The following CSMD1 variants were observed in gnomAD, a reference collection of about 807,000 sequenced individuals.
The protein encoded by CSMD1 is CUB and Sushi multiple domains 1.
CSMD1 carries 213 observed loss-of-function variants against 417.5 expected under a neutral mutation model. That is an observed-to-expected ratio of 0.51 (90% confidence interval 0.46 to 0.57). CSMD1 has a LOEUF of 0.57. Ranked by LOEUF, CSMD1 falls within the 20% of genes least tolerant of loss-of-function variation. CSMD1 has a pLI of 0.00. For missense variants in CSMD1, 6,923 were observed against 4,529.7 expected (o/e 1.53, Z -15.17); for synonymous variants, 2,862 against 1,736.8 (o/e 1.65, Z -16.11).
At chr8:3,891,666 A>C (rs1540818) in intron 5 of CSMD1, among the ~76,000 whole-genome samples, 1 of 151,694 alleles carries the variant, frequency 6.6e-6, no homozygotes, top group Admixed American at 6.6e-5. Flanking sequence ...CTAGGTGACA[A>C]AGCAAGACCT....
At chr8:4,026,846 T>C (rs1585158436) in intron 4 of CSMD1, among the ~76,000 whole-genome samples, 2 of 152,308 alleles carry the variant, frequency 1.3e-5, no homozygotes, top group South Asian at 4.1e-4. Flanking sequence ...TCTGTGGCAG[T>C]GTAAAAACCT....
At chr8:4,655,848 C>T (rs539894223) in intron 1 of CSMD1, among the ~76,000 whole-genome samples, 2 of 152,172 alleles carry the variant, frequency 1.3e-5, no homozygotes, top group East Asian at 1.9e-4. Context: ...AATTCACTTA[C>T]TGAGAAAGAA....
chr8:3,755,888 C>T (rs1797628625), intron 5 of CSMD1, among the ~76,000 whole-genome samples: 1 of 152,086 alleles, frequency 6.6e-6, no homozygotes, highest in Admixed American at 6.6e-5. Context: ...CAGCTGGACA[C>T]AGCTGACTCC....
At chr8:4,474,615 C>A (rs537405236) in intron 2 of CSMD1, among the ~76,000 whole-genome samples, 1 of 152,122 alleles carries the variant, frequency 6.6e-6, no homozygotes, top group African/African-American at 2.4e-5. Context: ...ACTACGTAAC[C>A]CATTCCTGGG....
At chr8:3,108,567 T>G in intron 44 of CSMD1, 36 bp downstream of exon 44, 1 of 1,607,714 alleles carries the variant, frequency 6.2e-7, no homozygotes. Flanking sequence ...CACATGGAAT[T>G]CTCAGTCTTA....
At chr8:3,362,687 T>C (rs1013168794) in intron 20 of CSMD1, among the ~76,000 whole-genome samples, 3 of 152,214 alleles carry the variant, frequency 2.0e-5, no homozygotes, top group African/African-American at 7.2e-5. Context: ...AAAAGGTCTG[T>C]ATTTTCTTCC....
intron 37 of CSMD1, among the ~76,000 whole-genome samples, chr8:3,165,843 C>T (rs937431637): frequency 6.6e-6 from 1 of 152,012 alleles, no homozygotes; most frequent in South Asian, 2.1e-4. Context: ...TTTGGGAATG[C>T]GGTGAAACCT....
At chr8:4,296,909 T>C (rs1047479629) in intron 3 of CSMD1, among the ~76,000 whole-genome samples, 2 of 152,126 alleles carry the variant, frequency 1.3e-5, no homozygotes, top group Admixed American at 1.3e-4. Context: ...GGAGATTATA[T>C]TCCTGTGCAT....
intron 2 of CSMD1, among the ~76,000 whole-genome samples, chr8:4,591,475 G>C (rs556448190): frequency 6.6e-6 from 1 of 152,282 alleles, no homozygotes; most frequent in South Asian, 2.1e-4. Context: ...CAGAGCTATC[G>C]AGCTGTAAAC....
intron 3 of CSMD1, among the ~76,000 whole-genome samples, chr8:4,307,923 C>A (rs1441166963): frequency 2.0e-5 from 3 of 152,012 alleles, no homozygotes; most frequent in African/African-American, 7.2e-5. Context: ...CAAGAGGACC[C>A]CCGGATGCAA....
chr8:3,188,354 T>G lies in CSMD1; in HGVS notation c.5524-389A>C, dbSNP rs757408579. Among the ~76,000 whole-genome samples, 400 of 130,614 alleles carry G rather than the reference T, an allele frequency of 3.1e-3. 2 individuals carry two copies. Among genetic ancestry groups the G allele is most frequent in the Middle Eastern group, 0.018 (4 of 228 alleles). The allele number at this position is 130,614 out of a possible 152,430, so 85.7% of individuals were successfully genotyped here. On this transcript the variant is annotated intron_variant, in intron 35 of 69. Transcript: ENST00000635120. ...TGGAGTCTTCCTCTGTCACCCAGGC[T>G]TGAGTGCAATGGTGCAATCTTGGCT...
chr8:4,268,189 T>C (rs1393755367), intron 3 of CSMD1, among the ~76,000 whole-genome samples: 2 of 152,146 alleles, frequency 1.3e-5, no homozygotes, highest in African/African-American at 2.4e-5. Context: ...CTGTATCAAC[T>C]CACCATAAAG....
intron 5 of CSMD1, among the ~76,000 whole-genome samples, chr8:3,949,753 C>T (rs1030762383): frequency 4.6e-5 from 7 of 152,054 alleles, no homozygotes; most frequent in South Asian, 2.1e-4. Context: ...ACCAGGATCT[C>T]CAAGAAGCGC....
At chr8:4,807,692 T>G (rs1585132542) in intron 1 of CSMD1, among the ~76,000 whole-genome samples, 1 of 152,138 alleles carries the variant, frequency 6.6e-6, no homozygotes, top group East Asian at 1.9e-4. Context: ...ACACTATAAA[T>G]GTTTTCTTAT....
chr8:4,342,580 C>A (rs1476043939), intron 3 of CSMD1, among the ~76,000 whole-genome samples: 1 of 151,916 alleles, frequency 6.6e-6, no homozygotes, highest in Non-Finnish European at 1.5e-5. Flanking sequence ...GGACACTTCC[C>A]CATAAGGTTA....
chr8:4,912,491 C>G (rs1484525911), intron 1 of CSMD1, among the ~76,000 whole-genome samples: 6 of 152,090 alleles, frequency 3.9e-5, no homozygotes, highest in African/African-American at 1.4e-4. Flanking sequence ...TCTTTCCATA[C>G]AAAGTGCCAG....
intron 1 of CSMD1, among the ~76,000 whole-genome samples, chr8:4,731,670 G>A (rs976375314): frequency 6.6e-6 from 1 of 152,132 alleles, no homozygotes; most frequent in Non-Finnish European, 1.5e-5. Flanking sequence ...AGTATCATTT[G>A]GAAACTGAAG....
intron 5 of CSMD1, among the ~76,000 whole-genome samples, chr8:3,856,323 T>G (rs1273607615): frequency 6.6e-6 from 1 of 152,182 alleles, no homozygotes; most frequent in Non-Finnish European, 1.5e-5. Context: ...TTCTTGAGGC[T>G]GCCCCAGAAG....
At chr8:4,669,276 G>A (rs115534342) in intron 1 of CSMD1, among the ~76,000 whole-genome samples, 1,670 of 152,144 alleles carry the variant, frequency 0.011, 24 homozygotes, top group African/African-American at 0.037. Flanking sequence ...CTCTGTTATC[G>A]TTTATATTTA....
Sources: allele counts gnomAD v4.1 joint callset (sites outside exome capture counted in the v4.1 genomes callset), GRCh38; gene constraint gnomAD v4.1.1; transcripts MANE v1.5; gene names NCBI Gene and HGNC (gene_info 2026-07-23, HGNC 2026-07-21).